The following SLC38A4 variants were observed in gnomAD, a reference collection of about 807,000 sequenced individuals.
SLC38A4 encodes solute carrier family 38 member 4.
Under a neutral mutation model 63.1 loss-of-function variants are expected in SLC38A4, and 20 were observed. The observed-to-expected ratio is 0.32, with a 90% confidence interval of 0.22 to 0.46. The LOEUF is 0.46. SLC38A4 is among the 20% of genes least tolerant of loss of function. The pLI, the probability that SLC38A4 is intolerant of heterozygous loss-of-function variation, is 1.00. For missense variants in SLC38A4, 526 were observed against 663.6 expected (o/e 0.79, Z 2.28); for synonymous variants, 230 against 225.5 (o/e 1.02, Z -0.18).
In SLC38A4 at chr12:46,769,468, T is replaced by TTTTGAC. The variant is rs763271891; in HGVS notation, c.1300-46_1300-41dup. 6 of 1,593,760 alleles carry TTTTGAC rather than the reference T, an allele frequency of 3.8e-6. No individual in the cohort carries two copies. In the African/African-American group the frequency reaches 8.1e-5, roughly 21 times the overall value. ...TTCAAAGGCAAGATCATTTCTTTGTTTTTGACTTTATCTATTACTTCAAAT... is the reference window on the plus strand; with the variant it reads ...TTCAAAGGCAAGATCATTTCTTTGTTTTTGACTTTGACTTTATCTATTACTTCAAAT... On this transcript the variant is annotated intron_variant, in intron 14 of 16. Transcript: ENST00000266579.
intron 8 of SLC38A4, 36 bp downstream of exon 8, chr12:46,779,913 A>T: frequency 6.2e-7 from 1 of 1,606,988 alleles, no homozygotes; most frequent in Non-Finnish European, 8.5e-7. Flanking sequence ...AAGTAGAATG[A>T]GTCACTTGAT....
At chr12:46,800,635 C>T (rs892426307) in intron 2 of SLC38A4, among the ~76,000 whole-genome samples, 1 of 152,084 alleles carries the variant, frequency 6.6e-6, no homozygotes, top group East Asian at 1.9e-4. Context: ...TATATGCTCT[C>T]CTCTCCTGCG....
At chr12:46,774,700 G>T (rs1271367691) in intron 14 of SLC38A4, among the ~76,000 whole-genome samples, 1 of 151,982 alleles carries the variant, frequency 6.6e-6, no homozygotes, top group African/African-American at 2.4e-5. Flanking sequence ...AATTTAATAA[G>T]ATTTGAAAGT....
At chr12:46,830,591 T>G (rs1317361561), upstream of SLC38A4, among the ~76,000 whole-genome samples, 2 of 152,172 alleles carry the variant, frequency 1.3e-5, no homozygotes, top group Non-Finnish European at 2.9e-5. Flanking sequence ...CATCCACTGT[T>G]GAAGCTCTGG....
At position 46,788,024 on chromosome 12, in the gene SLC38A4, C is replaced by G. The variant is rs1334610625; in HGVS notation, c.218G>C (p.Gly73Ala). 1 of 1,612,844 alleles carries G rather than the reference C, an allele frequency of 6.2e-7. No homozygotes were observed. Among genetic ancestry groups the G allele is most frequent in the Non-Finnish European group, 8.5e-7 (1 of 1,179,126 alleles). ...TGAAGACATTCCAAAGGAAGTGGTT[C>G]CGGGATGCTTGAAAAAGAAGGGATG... The part of the protein sequence containing the change: ...LADYADEHHP[G>A]TTSFGMSSFN... Residue 73 changes from glycine to alanine, a missense_variant, in exon 5 of 17, where the codon GGA (glycine) becomes GCA (alanine). Transcript: ENST00000266579.
At chr12:46,796,583 G>C (rs1225334997) in intron 2 of SLC38A4, among the ~76,000 whole-genome samples, 1 of 152,112 alleles carries the variant, frequency 6.6e-6, no homozygotes, top group Admixed American at 6.6e-5. Context: ...CTCTTCTGCT[G>C]CTTGTCTGTG....
rs549432660 is a variant in SLC38A4 at position 46,781,735 on chromosome 12, C to T, written c.494-1705G>A. Among the ~76,000 whole-genome samples the T allele has an allele frequency of 2.3e-3, 347 of 152,082 alleles. 2 individuals are homozygous for T. Among genetic ancestry groups the T allele is most frequent in the Middle Eastern group, 3.4e-3 (1 of 294 alleles). On this transcript the variant is annotated intron_variant, in intron 7 of 16. Transcript: ENST00000266579. ...AGTCACGCCTCTTACCTGTGTGAGG[C>T]TTGACTGAGAGACCGCTTTATACTT...
chr12:46,799,044 T>C (rs981201416), intron 2 of SLC38A4, among the ~76,000 whole-genome samples: 3 of 152,204 alleles, frequency 2.0e-5, no homozygotes, highest in East Asian at 3.9e-4. Context: ...GTTGTGAGAA[T>C]TTAAATGAGA....
chr12:46,785,626 T>C (rs1172827137), intron 5 of SLC38A4, among the ~76,000 whole-genome samples: 1 of 152,054 alleles, frequency 6.6e-6, no homozygotes, highest in Non-Finnish European at 1.5e-5. Context: ...CTGAGCTGCA[T>C]TACTGCTGAT....
chr12:46,808,853 T>C (rs1234502831), intron 1 of SLC38A4, among the ~76,000 whole-genome samples: 5 of 152,094 alleles, frequency 3.3e-5, no homozygotes, highest in Non-Finnish European at 7.4e-5. Flanking sequence ...TGTATAATTA[T>C]AATAAGTATA....
At chr12:46,830,298 T>TCACA (rs10597523), upstream of SLC38A4, among the ~76,000 whole-genome samples, 3,310 of 148,340 alleles carry the variant, frequency 0.022, 73 homozygotes, top group Admixed American at 0.073. Context: ...TCTCTCTCTC[T>TCACA]CACACACACA....
Position 46,768,404 on chromosome 12 carries a change from G to A in SLC38A4, c.1448C>T (p.Ala483Val). The change falls in exon 16 of 17, where the codon GCT becomes GTT. Residue 483 changes from alanine to valine, a missense_variant. Physicochemically the swap from Ala to Val is moderately conservative, Grantham distance 64. Coordinates refer to ENST00000266579, the MANE Select transcript of SLC38A4 (RefSeq NM_018018.5). ...AAAAATCAGCATAGTGGCAGAAGAA[G>A]CCCCTGAGAAGACAAACACAGGGCA... Reference protein sequence around the residue: ...TIKYIFGFIGASSATMLIFIL... With the variant: ...TIKYIFGFIGVSSATMLIFIL... The A allele has an allele frequency of 6.2e-7, 1 of 1,608,600 alleles. No individual in the cohort carries two copies. Among genetic ancestry groups the A allele is most frequent in the South Asian group, 1.1e-5 (1 of 90,504 alleles).
chr12:46,785,399 C>CTT (rs113542559), intron 5 of SLC38A4, among the ~76,000 whole-genome samples: 151,603 of 152,066 alleles, frequency 1, 75,571 homozygotes, highest in East Asian at 1. Context: ...AAGTCCCTAA[C>CTT]TTTTTTAATG....
At chr12:46,779,711 C>A in intron 9 of SLC38A4, 42 bp from the exon 10 acceptor site, 4 of 1,585,680 alleles carry the variant, frequency 2.5e-6, no homozygotes, top group Non-Finnish European at 2.6e-6. Context: ...AATATGGCAT[C>A]TACAATTAGC....
At chr12:46,807,771 C>G (rs779794973) in intron 1 of SLC38A4, among the ~76,000 whole-genome samples, 3 of 151,840 alleles carry the variant, frequency 2.0e-5, no homozygotes, top group Non-Finnish European at 4.4e-5. Context: ...ATTTGTATCA[C>G]TTGTAAAGTA....
At chr12:46,796,085 C>T (rs1021579393) in intron 2 of SLC38A4, among the ~76,000 whole-genome samples, 7 of 152,042 alleles carry the variant, frequency 4.6e-5, no homozygotes, top group Admixed American at 2.0e-4. Flanking sequence ...TGTTTATGTT[C>T]GATCTGTTCA....
intron 1 of SLC38A4, among the ~76,000 whole-genome samples, chr12:46,818,324 G>C (rs1361705478): frequency 6.6e-6 from 1 of 151,736 alleles, no homozygotes; most frequent in African/African-American, 2.4e-5. Context: ...CTTTATATGA[G>C]TCATATTTTC....
rs1454368169 is a variant in SLC38A4 at position 46,805,699 on chromosome 12, A to G, written c.-304-1905T>C. ...AGTTAGGCTCATGCTTGTTTCATGT[A>G]CCATAGTAGAAAGAGCTAATCATCA... is the stretch of plus-strand genomic sequence containing the variant. On this transcript the variant is annotated intron_variant, in intron 1 of 16. Transcript: ENST00000266579. Among the ~76,000 whole-genome samples the G allele has an allele frequency of 3.3e-5, 5 of 152,106 alleles. No homozygotes were observed. The South Asian group carries it at 1.0e-3, about 31-fold the overall frequency.
At chr12:46,806,098 G>A (rs1939225323) in intron 1 of SLC38A4, among the ~76,000 whole-genome samples, 1 of 151,612 alleles carries the variant, frequency 6.6e-6, no homozygotes, top group South Asian at 2.1e-4. Flanking sequence ...TCTAGTAGGT[G>A]GAGAGGAAAA....
Sources: allele counts gnomAD v4.1 joint callset (sites outside exome capture counted in the v4.1 genomes callset), GRCh38; gene constraint gnomAD v4.1.1; transcripts MANE v1.5; gene names NCBI Gene and HGNC (gene_info 2026-07-23, HGNC 2026-07-21).